The following CDIN1 variants were observed in gnomAD, a reference collection of about 807,000 sequenced individuals.
CDIN1 encodes the protein CDAN1 interacting nuclease 1, also known as CDAN1-interacting nuclease 1.
Under a neutral mutation model 45.3 loss-of-function variants are expected in CDIN1, and 33 were observed. That is an observed-to-expected ratio of 0.73 (90% CI 0.55 to 0.97). The LOEUF (loss-of-function observed/expected upper bound fraction) is 0.97, where lower values mean the gene tolerates loss of function less well. CDIN1 is among the 50% of genes least tolerant of loss of function. The pLI, the probability that CDIN1 is intolerant of heterozygous loss-of-function variation, is 0.00. For missense variants in CDIN1, 303 were observed against 339.4 expected (o/e 0.89, Z 0.84); for synonymous variants, 118 against 124.4 (o/e 0.95, Z 0.34).
chr15:36,763,352 T>C (rs8031848), intron 10 of CDIN1, among the ~76,000 whole-genome samples: 102,892 of 151,906 alleles, frequency 0.68, 35,087 homozygotes, highest in East Asian at 0.93. Context: ...TTTTTTCTTG[T>C]AAATTTGTTT....
intron 10 of CDIN1, among the ~76,000 whole-genome samples, chr15:36,779,009 A>G (rs77873685): frequency 0.019 from 2,899 of 152,200 alleles, 97 homozygotes; most frequent in African/African-American, 0.065. Flanking sequence ...AAATTTTACT[A>G]TTTGTCTTAT....
Position 36,808,846 on chromosome 15 carries a change from T to C in CDIN1, c.*393T>C. The C allele has an allele frequency of 2.2e-6, 1 of 454,570 alleles. No homozygotes were observed. The highest frequency in any genetic ancestry group is 1.6e-5 in the South Asian group (1 of 63,678). 28.2% of individuals were successfully genotyped at this position (454,570 alleles called of 1,614,324 possible). On this transcript the variant is annotated 3_prime_UTR_variant, in exon 11 of 11. Transcript: ENST00000566621. Reference sequence around the variant, plus strand: ...ACCGAATCACCCTCTTATTTTTTTTTCCCTAAGCCTCCGTTCACTGTCTCT... The same window carrying C: ...ACCGAATCACCCTCTTATTTTTTTTCCCCTAAGCCTCCGTTCACTGTCTCT...
intron 10 of CDIN1, among the ~76,000 whole-genome samples, chr15:36,730,096 C>T (rs2043785329): frequency 6.6e-6 from 1 of 152,072 alleles, no homozygotes; most frequent in Admixed American, 6.6e-5. Flanking sequence ...AATACATTGA[C>T]CTATTCATAT....
At chr15:36,774,167 C>T (rs61501380) in intron 10 of CDIN1, among the ~76,000 whole-genome samples, 2,858 of 126,926 alleles carry the variant, frequency 0.023, 103 homozygotes, top group African/African-American at 0.11. Context: ...TGTGTGTGCG[C>T]GCGCGCGCAT....
chr15:36,674,935 A>G (rs1397000990), intron 5 of CDIN1, among the ~76,000 whole-genome samples: 1 of 152,100 alleles, frequency 6.6e-6, no homozygotes, highest in African/African-American at 2.4e-5. Context: ...AAAATGAGCA[A>G]AGAAATAAAG....
At chr15:36,667,179 GT>G (rs1387813403) in intron 5 of CDIN1, among the ~76,000 whole-genome samples, 2 of 152,224 alleles carry the variant, frequency 1.3e-5, no homozygotes, top group African/African-American at 4.8e-5. Context: ...AGTCAATACT[GT>G]AGGTAACAAA....
chr15:36,641,331 T>C (rs1401184452), intron 1 of CDIN1: 1 of 152,372 alleles, frequency 6.6e-6, no homozygotes, highest in Non-Finnish European at 1.5e-5. Context: ...CCCAAGCTCT[T>C]TCCATCTTCC....
rs146131062 is a variant in CDIN1 at position 36,594,319 on chromosome 15, A to C, written c.101+14358A>C. The stretch of plus-strand genomic sequence containing the variant: ...GTGACACTTTGAAAAAAAGTTGCCT[A>C]TTCCCAAAGACTATGGAAGCAAAAG... On this transcript the variant is annotated intron_variant, in intron 1 of 10. Coordinates refer to ENST00000566621, the MANE Select transcript of CDIN1 (RefSeq NM_001321759.2). Among the ~76,000 whole-genome samples, 364 of 152,332 alleles carry C rather than the reference A, an allele frequency of 2.4e-3. 3 individuals are homozygous for C. The highest frequency in any genetic ancestry group is 8.2e-3 in the African/African-American group (339 of 41,564).
chr15:36,626,402 T>A (rs1403634502), intron 1 of CDIN1, among the ~76,000 whole-genome samples: 7 of 139,456 alleles, frequency 5.0e-5, no homozygotes, highest in African/African-American at 8.3e-5. Flanking sequence ...AAAAAAAAAA[T>A]AGTTCTCGAG....
intron 1 of CDIN1, among the ~76,000 whole-genome samples, chr15:36,595,823 A>G (rs1289170287): frequency 6.6e-6 from 1 of 152,198 alleles, no homozygotes; most frequent in African/African-American, 2.4e-5. Context: ...GAGCTTACAC[A>G]CAAGGGAAGA....
intron 1 of CDIN1, among the ~76,000 whole-genome samples, chr15:36,634,630 T>C (rs1028669145): frequency 6.6e-6 from 1 of 152,050 alleles, no homozygotes; most frequent in African/African-American, 2.4e-5. Context: ...GATCTTGCTG[T>C]TTTTATGTAG....
chr15:36,687,062 T>C (rs1031333923), intron 5 of CDIN1, among the ~76,000 whole-genome samples: 2 of 151,214 alleles, frequency 1.3e-5, no homozygotes, highest in African/African-American at 4.9e-5. Context: ...GAAGGAGAAA[T>C]CAGTGTAGAA....
At chr15:36,763,422 T>C (rs2053828833) in intron 10 of CDIN1, among the ~76,000 whole-genome samples, 1 of 152,168 alleles carries the variant, frequency 6.6e-6, no homozygotes, top group Non-Finnish European at 1.5e-5. Flanking sequence ...TCCAGTTGGC[T>C]TCATAAAACA....
intron 10 of CDIN1, among the ~76,000 whole-genome samples, chr15:36,781,860 G>A (rs1234190499): frequency 6.6e-6 from 1 of 152,178 alleles, no homozygotes; most frequent in Non-Finnish European, 1.5e-5. Context: ...CAGGCCCTGT[G>A]CTTGGCCCTA....
intron 10 of CDIN1, among the ~76,000 whole-genome samples, chr15:36,775,261 A>G (rs563395794): frequency 8.5e-4 from 130 of 152,384 alleles, no homozygotes; most frequent in African/African-American, 3.1e-3. Context: ...GCCCAGTTTT[A>G]TCTAGCTGTA....
chr15:36,795,664 T>C (rs2054775376), intron 10 of CDIN1, among the ~76,000 whole-genome samples: 3 of 151,998 alleles, frequency 2.0e-5, no homozygotes, highest in Non-Finnish European at 4.4e-5. Flanking sequence ...TCTCCTGGTC[T>C]CATGAAGCTG....
At chr15:36,608,266 C>T (rs115540221) in intron 1 of CDIN1, among the ~76,000 whole-genome samples, 47 of 152,292 alleles carry the variant, frequency 3.1e-4, no homozygotes, top group African/African-American at 1.1e-3. Context: ...TTCAAAGTGG[C>T]TGCATCATTT....
chr15:36,654,203 A>C, intron 4 of CDIN1, 45 bp downstream of exon 4: 2 of 1,466,864 alleles, frequency 1.4e-6, no homozygotes, highest in Non-Finnish European at 1.9e-6. Flanking sequence ...GTGTAACCTA[A>C]GGGGCCTATC....
At chr15:36,695,587 C>A (rs996197971) in intron 7 of CDIN1, among the ~76,000 whole-genome samples, 5 of 152,146 alleles carry the variant, frequency 3.3e-5, no homozygotes, top group Non-Finnish European at 7.4e-5. Context: ...TGGCTCACAC[C>A]TGTAATTTCA....
Sources: allele counts gnomAD v4.1 joint callset (sites outside exome capture counted in the v4.1 genomes callset), GRCh38; gene constraint gnomAD v4.1.1; transcripts MANE v1.5; gene names NCBI Gene and HGNC (gene_info 2026-07-23, HGNC 2026-07-21).